The following THAP6 variants were observed in gnomAD, a reference collection of about 807,000 sequenced individuals.
The protein encoded by THAP6 is THAP domain-containing protein 6.
THAP6 carries 13 observed loss-of-function variants against 20.0 expected under a neutral mutation model. The ratio of observed to expected loss-of-function variants is 0.65; its 90% CI spans 0.42 to 1.03. The LOEUF is 1.03. Among genes scored for constraint, THAP6 ranks in the 50% least tolerant of loss-of-function variants. The probability of loss-of-function intolerance (pLI) is 0.00; values close to 1 mark genes in which losing one functional copy is unlikely to be tolerated. For synonymous variants in THAP6, 93 were observed against 92.2 expected, an observed-to-expected ratio of 1.01 and a Z score of -0.05; for missense variants, 262 against 261.6, an observed-to-expected ratio of 1.00 and a Z score of -0.01.
rs1294570286 is a variant in THAP6, at chr4:75,516,833, A to G, written c.142A>G (p.Asn48Asp). 1.9e-6 allele frequency: 3 copies of G among 1,614,140 alleles called. No individual in the cohort carries two copies. The highest frequency in any genetic ancestry group is 1.7e-6 in the Non-Finnish European group (2 of 1,180,016). ...WVLAMKRLDVNAAGIWEPKKG... is the reference protein window; with the variant it reads ...WVLAMKRLDVDAAGIWEPKKG... The stretch of plus-strand genomic sequence containing the variant: ...ATTAGCAATGAAAAGACTTGATGTG[A>G]ATGCAGCCGGCATTTGGGAGCCTAA... The change falls in exon 3 of 5, where the codon AAT (asparagine) becomes GAT (aspartate). Residue 48 changes from asparagine to aspartate, a missense_variant. Physicochemically the swap from Asn to Asp is conservative, Grantham distance 23 (BLOSUM62 1). Coordinates refer to ENST00000311638, the MANE Select transcript of THAP6 (RefSeq NM_144721.6).
chr4:75,523,384 G>A (rs995488298), intron 4 of THAP6, among the ~76,000 whole-genome samples: 1 of 152,100 alleles, frequency 6.6e-6, no homozygotes. Flanking sequence ...CAAACATTTT[G>A]TCCCATTCTG....
Position 75,516,802 on chromosome 4 carries a change from A to G in THAP6, c.111A>G (p.Lys37=), listed in dbSNP as rs763530467. ...CCACAGATGAAAACATCAAAAGGAA[A>G]TGGGTATTAGCAATGAAAAGACTTG... ...VFPTDENIKR[K]WVLAMKRLDV... is the part of the protein sequence containing the mutation. Residue 37 remains lysine, a synonymous_variant, in exon 3 of 5, where the codon AAA becomes AAG. Coordinates refer to ENST00000311638, the MANE Select transcript of THAP6 (RefSeq NM_144721.6). The G allele has an allele frequency of 9.9e-6, 16 of 1,613,890 alleles. No homozygotes were observed. Among genetic ancestry groups the G allele is most frequent in the Non-Finnish European group, 1.3e-5 (15 of 1,179,964 alleles).
Position 75,515,486 on chromosome 4 carries a change from T to G in THAP6, c.34T>G (p.Ser12Ala), listed in dbSNP as rs542042267. Residue 12 changes from serine (S) to alanine (A), a missense_variant, in exon 2 of 5, where the codon TCT (serine) becomes GCT (alanine). Coordinates refer to ENST00000311638, the MANE Select transcript of THAP6 (RefSeq NM_144721.6). The stretch of plus-strand genomic sequence containing the variant: ...ATGCTGCTCCGCCATTGGATGTGCT[T>G]CTCGCTGCTTGCCAAATTCGAAGTT... ...VKCCSAIGCA[S>A]RCLPNSKLKG... The G allele has an allele frequency of 2.7e-4, 439 of 1,614,064 alleles. 8 individuals carry two copies. In the South Asian group the frequency reaches 4.6e-3, roughly 17 times the overall value.
At position 75,526,987 on chromosome 4, in the gene THAP6, C is replaced by A. The variant is rs776343494; in HGVS notation, c.442C>A (p.Pro148Thr). 37 of 1,613,824 alleles carry A rather than the reference C, an allele frequency of 2.3e-5. No individual in the cohort carries two copies. The highest frequency in any genetic ancestry group is 2.1e-4 in the African/African-American group (16 of 74,908). The change falls in exon 5 of 5, where the codon CCA (proline) becomes ACA (threonine). Residue 148 changes from proline (P) to threonine (T), a missense_variant. Pro to Thr is a conservative substitution (Grantham distance 38). Coordinates refer to ENST00000311638, the MANE Select transcript of THAP6 (RefSeq NM_144721.6). ...FEHSYSVMDS[P>T]KKLKHKLDHV... is the part of the protein sequence containing the mutation. The stretch of plus-strand genomic sequence containing the variant: ...ACATAGCTACAGTGTAATGGACAGT[C>A]CAAAGAAACTTAAGCATAAATTAGA...
At position 75,516,862 on chromosome 4, in the gene THAP6, AG is replaced by A. The variant is rs753025244; in HGVS notation, c.173del (p.Gly58GlufsTer23). ...NAAGIWEPKK[G>X]DVLCSRHFKK... ...CAGCCGGCATTTGGGAGCCTAAAAAAGGAGATGTGTTGTGTTCGAGGCACTT... is the reference window on the plus strand; with the variant it reads ...CAGCCGGCATTTGGGAGCCTAAAAAAGAGATGTGTTGTGTTCGAGGCACTT... On this transcript the variant is annotated frameshift_variant, in exon 3 of 5. Transcript: ENST00000311638. LOFTEE classifies it high-confidence loss of function. 67 of 1,614,076 alleles carry A rather than the reference AG, an allele frequency of 4.2e-5. No homozygotes were observed. Among genetic ancestry groups the A allele is most frequent in the Non-Finnish European group, 5.5e-5 (65 of 1,180,046 alleles).
intron 2 of THAP6, chr4:75,540,041 G>GA: frequency 6.8e-7 from 1 of 1,461,210 alleles, no homozygotes; most frequent in African/African-American, 1.4e-5. Context: ...CACTGAAAGG[G>GA]AAAATTTCAA....
Position 75,529,747 on chromosome 4 carries a change from A to G in THAP6, c.*2533A>G. ...TTTAAAAGCTAGGAGTGGCCTCTAG[A>G]GCCAGGAACACATTAATACAACAGT... On this transcript the variant is annotated 3_prime_UTR_variant, in exon 5 of 5. Transcript: ENST00000311638. 3.0e-6 allele frequency: 3 copies of G among 985,398 alleles called. No individual in the cohort carries two copies. The highest frequency in any genetic ancestry group is 3.6e-6 in the Non-Finnish European group (3 of 829,920). The allele number at this position is 985,398 out of a possible 1,614,324, so 61.0% of individuals were successfully genotyped here.
chr4:75,521,365 G>A lies in THAP6; in HGVS notation c.289-371G>A, dbSNP rs2868597. The stretch of plus-strand genomic sequence containing the variant: ...TTAGTTGATTTTTACATGGTTTGTC[G>A]CCTTACTCTACTTATTTAGAATGCC... On this transcript the variant is annotated intron_variant, in intron 3 of 4. Transcript: ENST00000311638. 8.6e-3 allele frequency among the ~76,000 whole-genome samples: 1,308 copies of A among 151,822 alleles called. 23 individuals carry two copies. Among genetic ancestry groups the A allele is most frequent in the African/African-American group, 0.03 (1,238 of 41,472 alleles).
rs1161197201 is a variant in THAP6, at chr4:75,528,012, C to T, written c.*798C>T. ...TATGTTTAAAATCTGAATGGCAGTA[C>T]TAGCTCTATACTTTTAATACTGCTT... is the stretch of plus-strand genomic sequence containing the variant. On this transcript the variant is annotated 3_prime_UTR_variant, in exon 5 of 5. Transcript: ENST00000311638. The T allele has an allele frequency of 1.0e-6, 1 of 985,262 alleles. No individual in the cohort carries two copies. 61.0% of individuals were successfully genotyped at this position (985,262 alleles called of 1,614,324 possible).
intron 2 of THAP6, among the ~76,000 whole-genome samples, chr4:75,536,485 A>G (rs1243208622): frequency 6.6e-6 from 1 of 152,092 alleles, no homozygotes; most frequent in African/African-American, 2.4e-5. Context: ...GAGAAGCCCA[A>G]TCATATGCTG....
In THAP6 at chr4:75,521,713, T is replaced by TTAG. The variant is rs761114588; in HGVS notation, c.289-21_289-20insGTA. 66 of 1,573,090 alleles carry TTAG rather than the reference T, an allele frequency of 4.2e-5. 1 individual carries two copies. The East Asian group carries it at 1.2e-3, about 29-fold the overall frequency. ...AGAACAAAAGTATCTCACTTGATGA[T>TTAG]TATTATTAACTACTCTTAACAGGGG... On this transcript the variant is annotated intron_variant, in intron 3 of 4. Transcript: ENST00000311638.
At chr4:75,517,013 T>A in intron 3 of THAP6, 34 bp downstream of exon 3, 36 of 1,063,762 alleles carry the variant, frequency 3.4e-5, no homozygotes, top group Non-Finnish European at 4.5e-5. Context: ...CCATCATTGC[T>A]CACTTTTTTT....
Position 75,521,789 on chromosome 4 carries a change from A to T in THAP6, c.342A>T (p.Pro114=). 6.2e-7 allele frequency: 1 copy of T among 1,613,508 alleles called. No individual in the cohort carries two copies. The highest frequency in any genetic ancestry group is 8.5e-7 in the Non-Finnish European group (1 of 1,179,604). The part of the protein sequence containing the change: ...CRKNFTLKTV[P]ATNYNHHLVG... ...AAAACTTCACCCTCAAAACCGTTCC[A>T]GCCACTAACTACAATCACCATCTTG... is the stretch of plus-strand genomic sequence containing the variant. Residue 114 remains proline, a synonymous_variant, in exon 4 of 5, where the codon CCA becomes CCT. Transcript: ENST00000311638.
At chr4:75,523,976 T>G (rs1426941299) in intron 4 of THAP6, among the ~76,000 whole-genome samples, 2 of 152,232 alleles carry the variant, frequency 1.3e-5, no homozygotes, top group Non-Finnish European at 2.9e-5. Flanking sequence ...TTAGTTTTTC[T>G]GCATATGGAT....
At chr4:75,532,189 A>G (rs1417367983), downstream of THAP6, among the ~76,000 whole-genome samples, 1 of 152,224 alleles carries the variant, frequency 6.6e-6, no homozygotes, top group African/African-American at 2.4e-5. Flanking sequence ...AGGTACAGGC[A>G]TTAGGTAAAT....
At position 75,527,100 on chromosome 4, in the gene THAP6, G is replaced by A. The variant is rs1303853321; in HGVS notation, c.555G>A (p.Lys185=). ...AACGTTTTCAGAAATCATTGAGGAA[G>A]ACAATCAGGGAATTAAAGGATGAAT... The part of the protein sequence containing the change: ...REKRFQKSLR[K]TIRELKDECL... Residue 185 remains lysine, a synonymous_variant, in exon 5 of 5, where the codon AAG becomes AAA. Transcript: ENST00000311638. The A allele has an allele frequency of 2.5e-6, 4 of 1,614,134 alleles. No homozygotes were observed. The East Asian group carries it at 6.7e-5, about 27-fold the overall frequency.
intron 2 of THAP6, among the ~76,000 whole-genome samples, chr4:75,538,872 G>A (rs912999386): frequency 1.3e-5 from 2 of 152,276 alleles, no homozygotes; most frequent in East Asian, 3.9e-4. Context: ...TTAGGACCAG[G>A]AAACCCAAGA....
intron 2 of THAP6, among the ~76,000 whole-genome samples, chr4:75,541,396 C>A (rs1318286084): frequency 6.6e-6 from 1 of 152,108 alleles, no homozygotes; most frequent in Non-Finnish European, 1.5e-5. Context: ...TAGTATCTCA[C>A]TTATATAAAA....
downstream of THAP6, among the ~76,000 whole-genome samples, chr4:75,531,597 C>T (rs184394681): frequency 4.4e-4 from 67 of 152,160 alleles, no homozygotes; most frequent in Non-Finnish European, 6.0e-4. Context: ...TATATTAATC[C>T]GTTTTCACAC....
Sources: allele counts gnomAD v4.1 joint callset (sites outside exome capture counted in the v4.1 genomes callset), GRCh38; gene constraint gnomAD v4.1.1; transcripts MANE v1.5; gene names NCBI Gene and HGNC (gene_info 2026-07-23, HGNC 2026-07-21).